The following CSMD1 variants were observed in gnomAD, a reference collection of about 807,000 sequenced individuals.
The protein encoded by CSMD1 is CUB and sushi domain-containing protein 1.
Under a neutral mutation model 417.5 loss-of-function variants are expected in CSMD1, and 213 were observed. The observed-to-expected ratio is 0.51, with a 90% CI of 0.46 to 0.57. The LOEUF (loss-of-function observed/expected upper bound fraction) is 0.57. Among genes scored for constraint, CSMD1 ranks in the 20% least tolerant of loss-of-function variants. The pLI, the probability that CSMD1 is intolerant of heterozygous loss-of-function variation, is 0.00. For missense variants in CSMD1, 6,923 were observed against 4,529.7 expected, an observed-to-expected ratio of 1.53 and a Z score of -15.17; for synonymous variants, 2,862 against 1,736.8, an observed-to-expected ratio of 1.65 and a Z score of -16.11.
intron 34 of CSMD1, among the ~76,000 whole-genome samples, chr8:3,189,644 C>T (rs62502934): frequency 0.14 from 21,718 of 152,070 alleles, 1,831 homozygotes; most frequent in Admixed American, 0.21. Context: ...GATTATGTTC[C>T]ACACCCATAA....
At chr8:3,547,828 A>G (rs975406442) in intron 10 of CSMD1, among the ~76,000 whole-genome samples, 1 of 152,188 alleles carries the variant, frequency 6.6e-6, no homozygotes, top group Non-Finnish European at 1.5e-5. Flanking sequence ...AGACATGCAA[A>G]CAAAGTTTTT....
intron 26 of CSMD1, among the ~76,000 whole-genome samples, 183 bp downstream of exon 26, chr8:3,283,961 G>C (rs190759929): frequency 2.0e-5 from 3 of 152,226 alleles, no homozygotes; most frequent in African/African-American, 4.8e-5. Flanking sequence ...CGTGGCCTCA[G>C]CCATGAACCC....
chr8:4,080,751 T>C (rs1454332379), intron 3 of CSMD1, among the ~76,000 whole-genome samples: 1 of 152,210 alleles, frequency 6.6e-6, no homozygotes, highest in Non-Finnish European at 1.5e-5. Flanking sequence ...TTCATTTTAA[T>C]ATAAGGTGAA....
chr8:4,060,688 G>A (rs867315280), intron 3 of CSMD1, among the ~76,000 whole-genome samples: 1 of 152,052 alleles, frequency 6.6e-6, no homozygotes, highest in African/African-American at 2.4e-5. Flanking sequence ...TAAGGCCTGA[G>A]AAATGCCTGC....
chr8:3,751,299 AGTGTGT>A lies in CSMD1; in HGVS notation c.931+2625_931+2630del, dbSNP rs67753470. The stretch of plus-strand genomic sequence containing the variant: ...CCTCTCTCCTTATATATACAATTGA[AGTGTGT>A]GTGTGTGTGTGTGTGTGTGTGTATA... On this transcript the variant is annotated intron_variant, in intron 6 of 69. Coordinates refer to ENST00000635120, the MANE Select transcript of CSMD1 (RefSeq NM_033225.6). Among the ~76,000 whole-genome samples the A allele has an allele frequency of 2.1e-3, 293 of 140,296 alleles. 1 individual carries two copies. Among genetic ancestry groups the A allele is most frequent in the Non-Finnish European group, 3.2e-3 (212 of 65,292 alleles). 92.0% of individuals were successfully genotyped at this position (140,296 alleles called of 152,430 possible).
chr8:4,178,538 T>C (rs1220262114), intron 3 of CSMD1, among the ~76,000 whole-genome samples: 1 of 151,166 alleles, frequency 6.6e-6, no homozygotes, highest in African/African-American at 2.4e-5. Context: ...GGATGCCCTC[T>C]CTCACCACTC....
chr8:4,105,899 GC>G (rs1801543911), intron 3 of CSMD1, among the ~76,000 whole-genome samples: 1 of 152,180 alleles, frequency 6.6e-6, no homozygotes, highest in Non-Finnish European at 1.5e-5. Context: ...CTCTGTGCTG[GC>G]CCCTGCAGGC....
At chr8:4,146,964 T>G (rs1234484574) in intron 3 of CSMD1, among the ~76,000 whole-genome samples, 1 of 144,184 alleles carries the variant, frequency 6.9e-6, no homozygotes, top group African/African-American at 2.9e-5. Flanking sequence ...TCAGGCATCT[T>G]CATCAGGTAA....
At chr8:3,592,077 T>C (rs2469364) in intron 8 of CSMD1, among the ~76,000 whole-genome samples, 129,064 of 151,986 alleles carry the variant, frequency 0.85, 55,063 homozygotes, top group Non-Finnish European at 0.87. Context: ...ATGGAGGAAT[T>C]GACGGATTAG....
chr8:4,517,449 G>C (rs1803186758), intron 2 of CSMD1, among the ~76,000 whole-genome samples: 1 of 152,172 alleles, frequency 6.6e-6, no homozygotes, highest in African/African-American at 2.4e-5. Flanking sequence ...ATTTCACAGA[G>C]ATGTGATCAT....
At chr8:4,855,613 G>C (rs192553218) in intron 1 of CSMD1, among the ~76,000 whole-genome samples, 1 of 152,314 alleles carries the variant, frequency 6.6e-6, no homozygotes, top group Admixed American at 6.5e-5. Flanking sequence ...ACTACGTGAA[G>C]AATGCAGAAG....
intron 1 of CSMD1, among the ~76,000 whole-genome samples, chr8:4,754,036 T>A (rs746007295): frequency 6.6e-6 from 1 of 152,144 alleles, no homozygotes; most frequent in African/African-American, 2.4e-5. Context: ...GTTGTTAACA[T>A]TGACATAACA....
intron 5 of CSMD1, among the ~76,000 whole-genome samples, chr8:3,991,243 A>C (rs1814724239): frequency 6.6e-6 from 1 of 152,220 alleles, no homozygotes; most frequent in Admixed American, 6.5e-5. Context: ...GTTAGAAATT[A>C]TCCGTACAGT....
Position 4,454,939 on chromosome 8 carries a change from G to A in CSMD1, c.303-34874C>T, listed in dbSNP as rs1034835041. On this transcript the variant is annotated intron_variant, in intron 2 of 69. Coordinates refer to ENST00000635120, the MANE Select transcript of CSMD1 (RefSeq NM_033225.6). ...CAAACACATCTCACTCCAGACTCAT[G>A]ACGCTTCTGTACGTTGTTTCTTCAT... 1.3e-5 allele frequency among the ~76,000 whole-genome samples: 2 copies of A among 152,272 alleles called. 1 individual carries two copies. The highest frequency in any genetic ancestry group is 4.1e-4 in the South Asian group (2 of 4,828).
intron 49 of CSMD1, among the ~76,000 whole-genome samples, chr8:3,079,316 T>C (rs1451734051): frequency 6.6e-6 from 1 of 152,198 alleles, no homozygotes; most frequent in Non-Finnish European, 1.5e-5. Flanking sequence ...AGTGTGTGTC[T>C]ATATATAAAG....
intron 5 of CSMD1, among the ~76,000 whole-genome samples, chr8:3,933,702 T>C (rs1291296901): frequency 1.3e-5 from 2 of 152,186 alleles, no homozygotes; most frequent in East Asian, 3.8e-4. Context: ...TTGTGCTCCT[T>C]TTGTATGCAA....
intron 7 of CSMD1, among the ~76,000 whole-genome samples, chr8:3,620,879 C>G (rs1393240893): frequency 6.6e-6 from 1 of 152,104 alleles, no homozygotes; most frequent in African/African-American, 2.4e-5. Flanking sequence ...TTATGTCCCT[C>G]CTCCCCGCAA....
chr8:4,070,642 C>T (rs1255427170), intron 3 of CSMD1, among the ~76,000 whole-genome samples: 2 of 152,140 alleles, frequency 1.3e-5, no homozygotes, highest in East Asian at 1.9e-4. Context: ...CAGGCGTGAG[C>T]CACCGTGCCC....
chr8:3,585,871 T>A (rs544995832), intron 9 of CSMD1, among the ~76,000 whole-genome samples: 1 of 152,190 alleles, frequency 6.6e-6, no homozygotes, highest in Non-Finnish European at 1.5e-5. Flanking sequence ...TGTGTATTGA[T>A]AGATACCAAG....
Sources: allele counts gnomAD v4.1 joint callset (sites outside exome capture counted in the v4.1 genomes callset), GRCh38; gene constraint gnomAD v4.1.1; transcripts MANE v1.5; gene names NCBI Gene and HGNC (gene_info 2026-07-23, HGNC 2026-07-21).